The following PTPRO variants were observed in gnomAD, a reference collection of about 807,000 sequenced individuals.
The protein encoded by PTPRO is protein tyrosine phosphatase receptor type O.
A neutral mutation model predicts 145.2 loss-of-function variants in PTPRO; 62 were observed. That is an observed-to-expected ratio of 0.43 (90% CI 0.35 to 0.53). The LOEUF (loss-of-function observed/expected upper bound fraction) is 0.53. Ranked by LOEUF, PTPRO falls within the 20% of genes least tolerant of loss-of-function variation. The pLI is 0.01. For synonymous variants in PTPRO, 565 were observed against 514.7 expected, an observed-to-expected ratio of 1.10 and a Z score of -1.32; for missense variants, 1,345 against 1,482.7, an observed-to-expected ratio of 0.91 and a Z score of 1.53.
intron 13 of PTPRO, among the ~76,000 whole-genome samples, chr12:15,546,934 T>C (rs573703319): frequency 3.3e-5 from 5 of 152,146 alleles, no homozygotes; most frequent in African/African-American, 9.7e-5. Context: ...CATAAGTCAC[T>C]CCAGGTCAGA....
At chr12:15,560,305 C>G in intron 17 of PTPRO, 29 bp downstream of exon 17, 1 of 1,475,710 alleles carries the variant, frequency 6.8e-7, no homozygotes, top group Non-Finnish European at 9.5e-7. Flanking sequence ...CTGTTTAACA[C>G]AAACTCTTTA....
intron 13 of PTPRO, among the ~76,000 whole-genome samples, chr12:15,548,536 G>GTA (rs1432269114): frequency 2.0e-5 from 3 of 151,596 alleles, no homozygotes; most frequent in African/African-American, 7.3e-5. Context: ...ATATGTGTGT[G>GTA]TGTGTGTGTG....
intron 1 of PTPRO, chr12:15,346,490 G>C (rs1867217694): frequency 6.6e-6 from 1 of 152,070 alleles, no homozygotes; most frequent in South Asian, 2.1e-4. Context: ...CAGCTTGTTG[G>C]GCACATAAAG....
intron 17 of PTPRO, among the ~76,000 whole-genome samples, chr12:15,563,369 T>C (rs902655437): frequency 6.6e-6 from 1 of 152,108 alleles, no homozygotes; most frequent in African/African-American, 2.4e-5. Flanking sequence ...AGCAAAGCCT[T>C]AATTTGCGTG....
At chr12:15,451,206 A>G (rs567694496) in intron 1 of PTPRO, among the ~76,000 whole-genome samples, 1 of 152,132 alleles carries the variant, frequency 6.6e-6, no homozygotes, top group African/African-American at 2.4e-5. Flanking sequence ...GACAAAGCAA[A>G]CTTTAAAGCA....
intron 1 of PTPRO, among the ~76,000 whole-genome samples, chr12:15,433,189 T>G (rs1591806979): frequency 1.0e-5 from 1 of 95,570 alleles, no homozygotes; most frequent in Non-Finnish European, 2.3e-5. Context: ...TTTTTTTTTT[T>G]TCTGAGGTGG....
chr12:15,369,711 G>A (rs1034776835), intron 1 of PTPRO, among the ~76,000 whole-genome samples: 2 of 151,976 alleles, frequency 1.3e-5, no homozygotes, highest in Admixed American at 6.6e-5. Flanking sequence ...CCTAGAATAC[G>A]GAAAATTCTT....
chr12:15,373,579 G>T (rs1030908009), intron 1 of PTPRO, among the ~76,000 whole-genome samples: 1 of 152,176 alleles, frequency 6.6e-6, no homozygotes, highest in Admixed American at 6.5e-5. Flanking sequence ...ATGGACGGAA[G>T]TGTTTAACTG....
At chr12:15,341,773 A>G (rs1866996717) in intron 1 of PTPRO, among the ~76,000 whole-genome samples, 1 of 152,202 alleles carries the variant, frequency 6.6e-6, no homozygotes, top group Non-Finnish European at 1.5e-5. Flanking sequence ...AAAACCAAGT[A>G]CCTGATTAAA....
chr12:15,434,765 T>C (rs551013250), intron 1 of PTPRO, among the ~76,000 whole-genome samples: 1 of 152,306 alleles, frequency 6.6e-6, no homozygotes, highest in African/African-American at 2.4e-5. Flanking sequence ...AGCTGTTGAA[T>C]GTGTGCAAAG....
At chr12:15,451,104 A>T (rs1406556351) in intron 1 of PTPRO, among the ~76,000 whole-genome samples, 1 of 152,104 alleles carries the variant, frequency 6.6e-6, no homozygotes, top group East Asian at 1.9e-4. Flanking sequence ...CTAACACATA[A>T]GGACTCACAT....
chr12:15,363,875 A>G (rs1430334064), intron 1 of PTPRO, among the ~76,000 whole-genome samples: 2 of 152,176 alleles, frequency 1.3e-5, no homozygotes, highest in Non-Finnish European at 2.9e-5. Context: ...AAACTCCAAC[A>G]GTTTCTGTTA....
At chr12:15,557,230 A>G (rs1020385882) in intron 15 of PTPRO, among the ~76,000 whole-genome samples, 3 of 152,062 alleles carry the variant, frequency 2.0e-5, no homozygotes, top group Non-Finnish European at 4.4e-5. Context: ...TAGTAGAGAC[A>G]GGGTTTCGCC....
chr12:15,426,024 A>T (rs1940276139), intron 1 of PTPRO, among the ~76,000 whole-genome samples: 1 of 150,926 alleles, frequency 6.6e-6, no homozygotes, highest in African/African-American at 2.4e-5. Context: ...GAAAACTGAT[A>T]TTGTCAAAAT....
At chr12:15,470,047 C>G (rs1941504953) in intron 1 of PTPRO, among the ~76,000 whole-genome samples, 1 of 152,118 alleles carries the variant, frequency 6.6e-6, no homozygotes, top group Admixed American at 6.6e-5. Context: ...GGATTTGAAC[C>G]CAGATCTCTG....
At chr12:15,406,484 T>G (rs1007148942) in intron 1 of PTPRO, among the ~76,000 whole-genome samples, 8 of 152,208 alleles carry the variant, frequency 5.3e-5, no homozygotes, top group African/African-American at 1.9e-4. Context: ...AATACTGTCA[T>G]TTAAAAAATT....
At chr12:15,557,421 C>A (rs779691137) in intron 15 of PTPRO, 34 bp from the exon 16 acceptor site, 2 of 1,567,400 alleles carry the variant, frequency 1.3e-6, no homozygotes, top group Non-Finnish European at 1.8e-6. Context: ...CTTTGTCAAG[C>A]AGTAACCTTG....
chr12:15,506,818 T>G (rs973077550), intron 6 of PTPRO, among the ~76,000 whole-genome samples: 1 of 152,198 alleles, frequency 6.6e-6, no homozygotes, highest in Non-Finnish European at 1.5e-5. Flanking sequence ...TTCTCTTCAA[T>G]TCTAAAATTC....
At chr12:15,363,119 G>C (rs977013880) in intron 1 of PTPRO, among the ~76,000 whole-genome samples, 1 of 152,240 alleles carries the variant, frequency 6.6e-6, no homozygotes, top group South Asian at 2.1e-4. Flanking sequence ...GGTATGTCTA[G>C]GGAGGAAAAT....
Sources: gnomAD v4.1 joint callset for allele counts (sites outside exome capture counted in the v4.1 genomes callset) on GRCh38, gnomAD v4.1.1 for gene constraint, MANE v1.5 for transcripts, NCBI Gene and HGNC (gene_info 2026-07-23, HGNC 2026-07-21) for gene names.